Variants in AKT3 observed in about 807,000 individuals in gnomAD.
The protein encoded by AKT3 is RAC-gamma serine/threonine-protein kinase.
Under a neutral mutation model 65.3 loss-of-function variants are expected in AKT3, and 15 were observed. The observed-to-expected ratio is 0.23, with a 90% CI of 0.15 to 0.35. The LOEUF (loss-of-function observed/expected upper bound fraction) is 0.35. Ranked by LOEUF, AKT3 falls within the 10% of genes least tolerant of loss-of-function variation. The pLI is 1.00. For synonymous variants in AKT3, 206 were observed against 183.8 expected (o/e 1.12, Z -0.98); for missense variants, 243 against 576.5 (o/e 0.42, Z 5.92).
At chr1:243,640,671 A>G (rs1477302253) in intron 5 of AKT3, among the ~76,000 whole-genome samples, 1 of 152,132 alleles carries the variant, frequency 6.6e-6, no homozygotes, top group Non-Finnish European at 1.5e-5. Context: ...AACAGTCAGC[A>G]CCAAGGCCCC....
intron 2 of AKT3, among the ~76,000 whole-genome samples, chr1:243,833,382 G>T (rs1694662216): frequency 1.3e-5 from 2 of 152,020 alleles, no homozygotes; most frequent in South Asian, 2.1e-4. Flanking sequence ...AAGGTGAGGG[G>T]GAAGAAGGCA....
chr1:243,836,526 T>A (rs535211622), intron 2 of AKT3, among the ~76,000 whole-genome samples: 2 of 148,882 alleles, frequency 1.3e-5, no homozygotes, highest in South Asian at 4.2e-4. Flanking sequence ...TTACCAATCA[T>A]CTTGACTAGA....
intron 2 of AKT3, among the ~76,000 whole-genome samples, chr1:243,721,727 CAATGT>C (rs749817048): frequency 1.1e-4 from 17 of 151,890 alleles, no homozygotes; most frequent in Non-Finnish European, 2.4e-4. Context: ...TTTACTATGC[CAATGT>C]AATCCTACCT....
chr1:243,796,946 T>C (rs1692056550), intron 2 of AKT3, among the ~76,000 whole-genome samples: 3 of 152,202 alleles, frequency 2.0e-5, no homozygotes, highest in Middle Eastern at 3.4e-3. Flanking sequence ...GCAGAAAGAA[T>C]GGTTGTTGTT....
intron 8 of AKT3, among the ~76,000 whole-genome samples, chr1:243,586,813 C>CT (rs1274164316): frequency 1.3e-5 from 2 of 151,678 alleles, no homozygotes; most frequent in Non-Finnish European, 2.9e-5. Context: ...TATGCCAAAC[C>CT]TCAGCATCAT....
intron 2 of AKT3, among the ~76,000 whole-genome samples, chr1:243,734,608 G>T (rs1276538198): frequency 6.6e-6 from 1 of 152,142 alleles, no homozygotes; most frequent in Non-Finnish European, 1.5e-5. Flanking sequence ...GGGCTTGTAG[G>T]ACTAGAAGTG....
At chr1:243,488,986 T>A in intron 13 of AKT3, 1 of 1,613,202 alleles carries the variant, frequency 6.2e-7, no homozygotes, top group African/African-American at 1.3e-5. Context: ...GTTATCCCTC[T>A]TTAATTCTGC....
chr1:243,631,321 C>CT (rs952967011), intron 6 of AKT3, among the ~76,000 whole-genome samples: 15 of 152,010 alleles, frequency 9.9e-5, no homozygotes, highest in Non-Finnish European at 1.6e-4. Flanking sequence ...CAATTTCTTT[C>CT]TTTTTTTTGA....
Position 243,850,098 on chromosome 1 carries a change from G to T in AKT3, c.-171C>A, listed in dbSNP as rs1156320031. 3.4e-5 allele frequency: 7 copies of T among 205,808 alleles called. No homozygotes were observed. Among genetic ancestry groups the T allele is most frequent in the Non-Finnish European group, 3.4e-5 (4 of 119,056 alleles). The allele number at this position is 205,808 out of a possible 1,614,324, so 12.7% of individuals were successfully genotyped here. On this transcript the variant is annotated 5_prime_UTR_variant, in exon 1 of 14. Coordinates refer to ENST00000673466, the MANE Select transcript of AKT3 (RefSeq NM_005465.7). ...AGCTGCTCGGGCGGCGGCGGAGGAT[G>T]GAGCCGGGGGGGGGCGGGGGGAGGA...
intron 2 of AKT3, among the ~76,000 whole-genome samples, chr1:243,794,929 G>A (rs1558817184): frequency 1.3e-5 from 2 of 152,110 alleles, no homozygotes; most frequent in Non-Finnish European, 1.5e-5. Flanking sequence ...TTTAGTTGAC[G>A]TTGTTTGCCT....
chr1:243,611,246 A>C (rs746477424), intron 8 of AKT3, among the ~76,000 whole-genome samples: 1 of 152,146 alleles, frequency 6.6e-6, no homozygotes, highest in Non-Finnish European at 1.5e-5. Flanking sequence ...AGCTTACGAA[A>C]AACTGTTTCA....
At position 243,844,087 on chromosome 1, in the gene AKT3, A is replaced by G. The variant is rs538456394; in HGVS notation, c.-112-805T>C. 7.4e-4 allele frequency among the ~76,000 whole-genome samples: 113 copies of G among 152,372 alleles called. 4 individuals carry two copies. In the South Asian group the frequency reaches 0.023, roughly 30 times the overall value. Reference sequence around the variant, plus strand: ...ATATTATGTACTTATTATAAAGTAAAGTGAAACAAAGGGAATATGAAAGTA... The same window carrying G: ...ATATTATGTACTTATTATAAAGTAAGGTGAAACAAAGGGAATATGAAAGTA... On this transcript the variant is annotated intron_variant, in intron 1 of 13. Transcript: ENST00000673466.
chr1:243,709,513 T>A (rs1686015637), intron 2 of AKT3, among the ~76,000 whole-genome samples: 1 of 151,940 alleles, frequency 6.6e-6, no homozygotes, highest in Non-Finnish European at 1.5e-5. Context: ...TTATTTAGCA[T>A]AACTTTGAAT....
Position 243,818,846 on chromosome 1 carries a change from A to T in AKT3, c.46+24279T>A, listed in dbSNP as rs1693686110. 1.3e-5 allele frequency among the ~76,000 whole-genome samples: 2 copies of T among 152,018 alleles called. 1 individual carries two copies. The highest frequency in any genetic ancestry group is 2.9e-5 in the Non-Finnish European group (2 of 68,014). ...CCAGGTTCTCTCCATGGGACTGACTAGGCAGTTGGCGCGACCTATGGAGAG... is the reference window on the plus strand; with the variant it reads ...CCAGGTTCTCTCCATGGGACTGACTTGGCAGTTGGCGCGACCTATGGAGAG... On this transcript the variant is annotated intron_variant, in intron 2 of 13. Coordinates refer to ENST00000673466, the MANE Select transcript of AKT3 (RefSeq NM_005465.7).
chr1:243,570,457 A>G (rs1412795464), intron 9 of AKT3, among the ~76,000 whole-genome samples: 2 of 152,204 alleles, frequency 1.3e-5, no homozygotes, highest in African/African-American at 2.4e-5. Flanking sequence ...AATCCAATGC[A>G]TCCCCCCTCT....
intron 12 of AKT3, among the ~76,000 whole-genome samples, chr1:243,543,908 A>C (rs12065411): frequency 0.091 from 13,832 of 152,190 alleles, 1,047 homozygotes; most frequent in African/African-American, 0.21. Flanking sequence ...CCATACTCCC[A>C]GTAACCAATA....
intron 8 of AKT3, among the ~76,000 whole-genome samples, chr1:243,600,618 G>A (rs998716924): frequency 7.9e-5 from 12 of 152,132 alleles, no homozygotes; most frequent in Non-Finnish European, 1.8e-4. Flanking sequence ...AGAAACAAAT[G>A]AAACATGACC....
At chr1:243,583,195 T>TATATATATACACACACACAC (rs759291565) in intron 8 of AKT3, among the ~76,000 whole-genome samples, 2 of 88,326 alleles carry the variant, frequency 2.3e-5, no homozygotes, top group African/African-American at 1.0e-4. Context: ...TATATATATA[T>TATATATATACACACACACAC]ACACACACAC....
At chr1:243,715,497 C>A (rs1686451171) in intron 2 of AKT3, among the ~76,000 whole-genome samples, 4 of 152,036 alleles carry the variant, frequency 2.6e-5, no homozygotes, top group Admixed American at 2.6e-4. Context: ...AAATATGTGA[C>A]CAACAACAGA....
Sources: gnomAD v4.1 joint callset for allele counts (sites outside exome capture counted in the v4.1 genomes callset) on GRCh38, gnomAD v4.1.1 for gene constraint, MANE v1.5 for transcripts, NCBI Gene and HGNC (gene_info 2026-07-23, HGNC 2026-07-21) for gene names.